Variants in MLLT3 observed in about 807,000 individuals in gnomAD.
MLLT3 encodes MLLT3 super elongation complex subunit, also known as protein AF-9.
In MLLT3, 4 loss-of-function variants were observed where a neutral mutation model predicts 53.2. The ratio of observed to expected loss-of-function variants is 0.08; its 90% CI spans 0.04 to 0.17. The LOEUF is 0.17. Ranked by LOEUF, MLLT3 falls within the 10% of genes least tolerant of loss-of-function variation. MLLT3 has a pLI of 1.00. For synonymous variants in MLLT3, 283 were observed against 230.6 expected, an observed-to-expected ratio of 1.23 and a Z score of -2.06; for missense variants, 569 against 684.0, an observed-to-expected ratio of 0.83 and a Z score of 1.87.
intron 5 of MLLT3, among the ~76,000 whole-genome samples, chr9:20,375,503 C>A (rs59264833): frequency 4.6e-5 from 7 of 151,898 alleles, no homozygotes; most frequent in Admixed American, 3.3e-4. Flanking sequence ...TTCATCCCAG[C>A]GGAGTTAATG....
chr9:20,539,568 A>C (rs1424479973), intron 2 of MLLT3, among the ~76,000 whole-genome samples: 1 of 152,142 alleles, frequency 6.6e-6, no homozygotes, highest in African/African-American at 2.4e-5. Flanking sequence ...TAAACCATCA[A>C]TTCTTGTGAG....
In MLLT3 at chr9:20,429,692, T is replaced by C. The variant is rs542185829; in HGVS notation, c.421-15267A>G. 1.3e-4 allele frequency among the ~76,000 whole-genome samples: 20 copies of C among 152,282 alleles called. No individual in the cohort carries two copies. In the South Asian group the frequency reaches 3.9e-3, roughly 30 times the overall value. On this transcript the variant is annotated intron_variant, in intron 4 of 10. Coordinates refer to ENST00000380338, the MANE Select transcript of MLLT3 (RefSeq NM_004529.4). ...GAACAAAACCATCTGTTCATCTCAA[T>C]AGATACTGAAACGTTTTCTGATAAA...
intron 5 of MLLT3, among the ~76,000 whole-genome samples, chr9:20,380,787 G>A (rs1821890813): frequency 6.6e-6 from 1 of 151,986 alleles, no homozygotes; most frequent in African/African-American, 2.4e-5. Flanking sequence ...AATGTGAAAT[G>A]CGTAACAGAG....
chr9:20,394,080 A>G (rs1480621132), intron 5 of MLLT3, among the ~76,000 whole-genome samples: 1 of 152,208 alleles, frequency 6.6e-6, no homozygotes, highest in African/African-American at 2.4e-5. Flanking sequence ...CCATATGAGG[A>G]AAATGACTCA....
intron 2 of MLLT3, among the ~76,000 whole-genome samples, chr9:20,612,139 T>C (rs1034696232): frequency 1.3e-5 from 2 of 152,212 alleles, no homozygotes; most frequent in Admixed American, 6.5e-5. Context: ...CTCAATGTTT[T>C]AAAAGTAAAC....
At chr9:20,533,295 C>G (rs1041829296) in intron 2 of MLLT3, 1 of 325,932 alleles carries the variant, frequency 3.1e-6, no homozygotes, top group Non-Finnish European at 6.2e-6. Context: ...CATTGCCAAG[C>G]TCAAAAAGGC....
chr9:20,370,467 A>C (rs1389723117), intron 5 of MLLT3, among the ~76,000 whole-genome samples: 1 of 152,004 alleles, frequency 6.6e-6, no homozygotes, highest in Non-Finnish European at 1.5e-5. Flanking sequence ...GCCAATTAAT[A>C]ATCCTACAAT....
chr9:20,604,400 T>C (rs986730121), intron 2 of MLLT3, among the ~76,000 whole-genome samples: 7 of 142,658 alleles, frequency 4.9e-5, no homozygotes, highest in Admixed American at 1.4e-4. Context: ...AGTCTTCAGA[T>C]ACAAAAAACA....
At chr9:20,485,266 G>A (rs1387367410) in intron 2 of MLLT3, among the ~76,000 whole-genome samples, 2 of 152,194 alleles carry the variant, frequency 1.3e-5, no homozygotes, top group South Asian at 2.1e-4. Context: ...TGGGATTACA[G>A]GCATAAGCCA....
At chr9:20,485,206 C>G (rs1247355369) in intron 2 of MLLT3, among the ~76,000 whole-genome samples, 1 of 152,128 alleles carries the variant, frequency 6.6e-6, no homozygotes, top group Non-Finnish European at 1.5e-5. Context: ...GCACGCTGGT[C>G]TTGAGCTCCT....
chr9:20,396,022 T>C (rs544345349), intron 5 of MLLT3, among the ~76,000 whole-genome samples: 67 of 152,278 alleles, frequency 4.4e-4, no homozygotes, highest in African/African-American at 1.5e-3. Context: ...CCCAGTTCTA[T>C]TCAGTAGACA....
intron 5 of MLLT3, among the ~76,000 whole-genome samples, chr9:20,394,336 C>T (rs1200289955): frequency 6.6e-6 from 1 of 152,114 alleles, no homozygotes; most frequent in Non-Finnish European, 1.5e-5. Flanking sequence ...AAGACACTAG[C>T]TGTGCAAAAA....
chr9:20,610,800 G>T (rs117557238), intron 2 of MLLT3, among the ~76,000 whole-genome samples: 1 of 152,214 alleles, frequency 6.6e-6, no homozygotes, highest in East Asian at 1.9e-4. Context: ...ATAAAATGAG[G>T]GAAGTTAGCT....
intron 8 of MLLT3, among the ~76,000 whole-genome samples, chr9:20,357,981 G>GCGCACACACA (rs369911145): frequency 1.4e-5 from 2 of 139,342 alleles, no homozygotes; most frequent in African/African-American, 5.5e-5. Flanking sequence ...TCCCTCCTGC[G>GCGCACACACA]CACACACACA....
chr9:20,381,410 T>C (rs551060130), intron 5 of MLLT3, among the ~76,000 whole-genome samples: 1 of 151,912 alleles, frequency 6.6e-6, no homozygotes, highest in South Asian at 2.1e-4. Flanking sequence ...ATAACTGTTA[T>C]ATTTCTCTAG....
At chr9:20,568,770 T>C (rs1331348717) in intron 2 of MLLT3, among the ~76,000 whole-genome samples, 2 of 152,236 alleles carry the variant, frequency 1.3e-5, no homozygotes, top group Non-Finnish European at 2.9e-5. Context: ...TAATGTTGAT[T>C]AAGTCCTTGT....
intron 5 of MLLT3, among the ~76,000 whole-genome samples, chr9:20,370,522 T>C (rs1238840858): frequency 6.6e-6 from 1 of 152,064 alleles, no homozygotes; most frequent in Non-Finnish European, 1.5e-5. Flanking sequence ...AAATCTTTTT[T>C]TTTTTGAGAC....
At chr9:20,565,929 T>C (rs188635997) in intron 2 of MLLT3, among the ~76,000 whole-genome samples, 1 of 13,298 alleles carries the variant, frequency 7.5e-5, no homozygotes, top group East Asian at 4.1e-3. Flanking sequence ...TATTTATATA[T>C]ATATATATTT....
intron 2 of MLLT3, among the ~76,000 whole-genome samples, chr9:20,507,763 A>G (rs1587006126): frequency 6.7e-6 from 1 of 149,232 alleles, no homozygotes; most frequent in Middle Eastern, 3.4e-3. Context: ...AAAAAAACAA[A>G]TCTCAAGCCC....
Sources: gnomAD v4.1 joint callset for allele counts (sites outside exome capture counted in the v4.1 genomes callset) on GRCh38, gnomAD v4.1.1 for gene constraint, MANE v1.5 for transcripts, NCBI Gene and HGNC (gene_info 2026-07-23, HGNC 2026-07-21) for gene names.